GRID2: variants seen among roughly 807,000 people sequenced by gnomAD.
GRID2 encodes the protein glutamate ionotropic receptor delta type subunit 2.
In GRID2, 33 loss-of-function variants were observed where a neutral mutation model predicts 114.8. The ratio of observed to expected loss-of-function variants is 0.29; its 90% CI spans 0.22 to 0.38. The LOEUF (loss-of-function observed/expected upper bound fraction) is 0.38, where lower values mean the gene tolerates loss of function less well. GRID2 is among the 10% of genes least tolerant of loss of function. The pLI is 1.00. For missense variants in GRID2, 1,184 were observed against 1,257.7 expected, an observed-to-expected ratio of 0.94 and a Z score of 0.89; for synonymous variants, 505 against 449.9, an observed-to-expected ratio of 1.12 and a Z score of -1.55.
At chr4:93,277,732 C>G (rs1752208615) in intron 8 of GRID2, among the ~76,000 whole-genome samples, 1 of 151,860 alleles carries the variant, frequency 6.6e-6, no homozygotes, top group Admixed American at 6.6e-5. Flanking sequence ...ACTCCTATCC[C>G]CACTTCACCC....
At chr4:92,927,605 C>T (rs1399047682) in intron 2 of GRID2, among the ~76,000 whole-genome samples, 1 of 151,744 alleles carries the variant, frequency 6.6e-6, no homozygotes, top group Non-Finnish European at 1.5e-5. Context: ...CCATGCCTGA[C>T]CTTTGCTCTA....
At chr4:93,492,339 G>A (rs1727089215) in intron 12 of GRID2, among the ~76,000 whole-genome samples, 1 of 151,796 alleles carries the variant, frequency 6.6e-6, no homozygotes, top group African/African-American at 2.4e-5. Context: ...CTAAAGTTGA[G>A]AGGATAAGTA....
chr4:93,614,359 T>C (rs1240088349), intron 13 of GRID2, among the ~76,000 whole-genome samples: 1 of 152,146 alleles, frequency 6.6e-6, no homozygotes. Flanking sequence ...TTATTTAGAG[T>C]ACAAAATGAT....
intron 2 of GRID2, among the ~76,000 whole-genome samples, chr4:92,812,658 T>A (rs545926718): frequency 6.6e-6 from 1 of 152,252 alleles, no homozygotes; most frequent in Admixed American, 6.5e-5. Context: ...TATATAGTGA[T>A]GATAAGATCA....
chr4:92,592,759 T>C (rs1454992952), intron 2 of GRID2, among the ~76,000 whole-genome samples: 2 of 152,022 alleles, frequency 1.3e-5, no homozygotes, highest in Non-Finnish European at 2.9e-5. Context: ...AGACAATTTG[T>C]TTCCCTATTC....
chr4:93,792,850 G>A (rs1384221714), intron 1 of GRID2, among the ~76,000 whole-genome samples: 2 of 152,156 alleles, frequency 1.3e-5, no homozygotes, highest in Non-Finnish European at 2.9e-5. Flanking sequence ...AGGAGAGGAC[G>A]ATTCATGGTG....
At chr4:92,372,743 CT>C (rs951293562) in intron 1 of GRID2, among the ~76,000 whole-genome samples, 9 of 152,064 alleles carry the variant, frequency 5.9e-5, no homozygotes, top group South Asian at 2.1e-4. Context: ...AATACACATA[CT>C]TTTTTTCCCC....
chr4:93,198,430 G>T lies in GRID2; in HGVS notation c.736-8974G>T, dbSNP rs370493516. 3.4e-4 allele frequency among the ~76,000 whole-genome samples: 52 copies of T among 152,220 alleles called. 1 individual carries two copies. The South Asian group carries it at 0.011, about 32-fold the overall frequency. On this transcript the variant is annotated intron_variant, in intron 4 of 15. Coordinates refer to ENST00000282020, the MANE Select transcript of GRID2 (RefSeq NM_001510.4). ...GGGAGCTATGTGTGTGTCTCTAATG[G>T]AAGAGCAATCCAGGAGGCAACATAA...
intron 2 of GRID2, among the ~76,000 whole-genome samples, chr4:93,053,335 A>G (rs530286465): frequency 2.0e-5 from 3 of 151,946 alleles, no homozygotes; most frequent in East Asian, 3.9e-4. Context: ...TGATTTGTCT[A>G]TGTTGCATTT....
At chr4:92,890,465 A>G (rs969702529) in intron 2 of GRID2, among the ~76,000 whole-genome samples, 4 of 152,218 alleles carry the variant, frequency 2.6e-5, no homozygotes, top group Non-Finnish European at 1.5e-5. Flanking sequence ...ATGAACAGAC[A>G]CTTTTCAAAA....
chr4:92,729,702 A>T (rs924595894), intron 2 of GRID2, among the ~76,000 whole-genome samples: 24 of 152,032 alleles, frequency 1.6e-4, no homozygotes, highest in African/African-American at 5.8e-4. Flanking sequence ...TGGGGAAAAA[A>T]TGTAAGCTAG....
At chr4:93,424,218 GA>G (rs879315631) in intron 10 of GRID2, among the ~76,000 whole-genome samples, 1,529 of 142,334 alleles carry the variant, frequency 0.011, 26 homozygotes, top group African/African-American at 0.035. Flanking sequence ...GGTACAGAAA[GA>G]AAAAAAAAAA....
At chr4:93,432,543 G>A (rs114037765) in intron 10 of GRID2, among the ~76,000 whole-genome samples, 2,652 of 152,198 alleles carry the variant, frequency 0.017, 25 homozygotes, top group South Asian at 0.033. Flanking sequence ...GAGGTTCATG[G>A]CAGAGTGTTA....
At chr4:92,940,939 G>C (rs527389391) in intron 2 of GRID2, among the ~76,000 whole-genome samples, 4 of 152,268 alleles carry the variant, frequency 2.6e-5, no homozygotes, top group Admixed American at 2.6e-4. Flanking sequence ...TGGTGGATAA[G>C]ATTTTTGATG....
chr4:92,967,358 A>C (rs2149165616), intron 2 of GRID2, among the ~76,000 whole-genome samples: 1 of 152,130 alleles, frequency 6.6e-6, no homozygotes, highest in South Asian at 2.1e-4. Flanking sequence ...CTTCACAGTA[A>C]AATTCAATTA....
chr4:92,357,147 A>G (rs2110194331), intron 1 of GRID2, among the ~76,000 whole-genome samples: 1 of 151,790 alleles, frequency 6.6e-6, no homozygotes, highest in South Asian at 2.1e-4. Flanking sequence ...TCTATTTGGA[A>G]AAAAAAATGC....
chr4:92,462,930 A>T (rs1721567019), intron 1 of GRID2, among the ~76,000 whole-genome samples: 1 of 151,976 alleles, frequency 6.6e-6, no homozygotes, highest in African/African-American at 2.4e-5. Flanking sequence ...ATTGTCCCTT[A>T]TTCTAATTTG....
At chr4:93,010,037 C>A (rs1248500287) in intron 2 of GRID2, among the ~76,000 whole-genome samples, 2 of 151,970 alleles carry the variant, frequency 1.3e-5, no homozygotes, top group Non-Finnish European at 2.9e-5. Flanking sequence ...TGTCAACTAA[C>A]CTTTATTCTA....
At chr4:93,034,676 G>A (rs1240377259) in intron 2 of GRID2, among the ~76,000 whole-genome samples, 1 of 151,838 alleles carries the variant, frequency 6.6e-6, no homozygotes, top group Non-Finnish European at 1.5e-5. Flanking sequence ...TTCTTCCCTG[G>A]GCAAACTCTA....
Sources: allele counts gnomAD v4.1 joint callset (sites outside exome capture counted in the v4.1 genomes callset), GRCh38; gene constraint gnomAD v4.1.1; transcripts MANE v1.5; gene names NCBI Gene and HGNC (gene_info 2026-07-23, HGNC 2026-07-21).